ST8SIA6: variants seen among roughly 807,000 people sequenced by gnomAD.
The protein encoded by ST8SIA6 is ST8 alpha-N-acetyl-neuraminide alpha-2,8-sialyltransferase 6, also known as alpha-2,8-sialyltransferase 8F.
ST8SIA6 carries 39 observed loss-of-function variants against 33.6 expected under a neutral mutation model. The ratio of observed to expected loss-of-function variants is 1.16; its 90% CI spans 0.90 to 1.52. The LOEUF is 1.52. ST8SIA6 is among the 40% of genes most tolerant of loss of function. The pLI is 0.00. For missense variants in ST8SIA6, 441 were observed against 443.8 expected (o/e 0.99, Z 0.06); for synonymous variants, 172 against 167.2 (o/e 1.03, Z -0.22).
intron 4 of ST8SIA6, among the ~76,000 whole-genome samples, chr10:17,355,404 T>G (rs566106508): frequency 6.6e-6 from 1 of 152,356 alleles, no homozygotes; most frequent in East Asian, 1.9e-4. Flanking sequence ...AACCAAGTCC[T>G]ACCAAGTCTT....
At position 17,331,414 on chromosome 10, in the gene ST8SIA6, A is replaced by T; in HGVS notation, c.516T>A (p.Phe172Leu). 1.2e-6 allele frequency: 2 copies of T among 1,612,620 alleles called. No homozygotes were observed. Among genetic ancestry groups the T allele is most frequent in the Non-Finnish European group, 1.7e-6 (2 of 1,179,552 alleles). The change falls in exon 5 of 8, where the codon TTT (phenylalanine) becomes TTA (leucine). Residue 172 changes from phenylalanine (F) to leucine (L), a missense_variant. By Grantham distance (22) the Phe-to-Leu change is conservative. Transcript: ENST00000377602. The part of the protein sequence containing the change: ...IPIKKNIFHM[F>L]PVSQPFVDYP... ...ACCAGAAACCTTTACTCACCACTGG[A>T]AACATATGAAAAATGTTCTTCTTAA... is the stretch of plus-strand genomic sequence containing the variant.
At chr10:17,386,218 G>A (rs908030515) in intron 3 of ST8SIA6, among the ~76,000 whole-genome samples, 5 of 151,714 alleles carry the variant, frequency 3.3e-5, no homozygotes, top group African/African-American at 1.2e-4. Context: ...CAGGCCGGGC[G>A]CGGTGGCTCG....
intron 4 of ST8SIA6, among the ~76,000 whole-genome samples, chr10:17,331,789 T>C (rs189789360): frequency 1.3e-5 from 2 of 152,362 alleles, no homozygotes; most frequent in Admixed American, 1.3e-4. Flanking sequence ...TTTTGATTTC[T>C]TTTTTAATTT....
intron 2 of ST8SIA6, among the ~76,000 whole-genome samples, chr10:17,420,231 G>T (rs7089755): frequency 0.14 from 20,872 of 152,054 alleles, 1,495 homozygotes; most frequent in African/African-American, 0.18. Context: ...GGCTACACGG[G>T]GAAACCCCGT....
At chr10:17,371,783 T>TAAAAAAA (rs747851635) in intron 3 of ST8SIA6, among the ~76,000 whole-genome samples, 3 of 98,542 alleles carry the variant, frequency 3.0e-5, no homozygotes, top group East Asian at 3.1e-4. Flanking sequence ...AAGACTCCAT[T>TAAAAAAA]AAAAAAAAAA....
intron 4 of ST8SIA6, among the ~76,000 whole-genome samples, chr10:17,332,055 G>C (rs1298333172): frequency 1.3e-5 from 2 of 152,132 alleles, no homozygotes; most frequent in African/African-American, 4.8e-5. Flanking sequence ...TTGGTTTTCT[G>C]TTCCTGTGTC....
At chr10:17,333,698 TATATATATATA>T (rs1295997955) in intron 4 of ST8SIA6, among the ~76,000 whole-genome samples, 23 of 25,706 alleles carry the variant, frequency 8.9e-4, no homozygotes, top group African/African-American at 4.0e-3. Context: ...TATATATATA[TATATATATATA>T]TATATATATT....
chr10:17,386,217 C>A (rs1269975118), intron 3 of ST8SIA6, among the ~76,000 whole-genome samples: 1 of 151,524 alleles, frequency 6.6e-6, no homozygotes, highest in African/African-American at 2.4e-5. Flanking sequence ...ACAGGCCGGG[C>A]GCGGTGGCTC....
intron 3 of ST8SIA6, among the ~76,000 whole-genome samples, chr10:17,372,379 C>T (rs545062323): frequency 6.6e-6 from 1 of 152,200 alleles, no homozygotes; most frequent in Admixed American, 6.5e-5. Flanking sequence ...AAATTTCTGA[C>T]TTAAAATTCT....
At chr10:17,413,295 A>G (rs1374338718) in intron 2 of ST8SIA6, 1 of 137,804 alleles carries the variant, frequency 7.3e-6, no homozygotes, top group African/African-American at 2.7e-5. Context: ...TTAACTTTCT[A>G]TTTCTTTCCC....
At chr10:17,424,458 A>G (rs181193417) in intron 2 of ST8SIA6, among the ~76,000 whole-genome samples, 1 of 152,074 alleles carries the variant, frequency 6.6e-6, no homozygotes, top group African/African-American at 2.4e-5. Context: ...CCATATTTCA[A>G]TCCTGCCTGT....
Position 17,319,156 on chromosome 10 carries a change from A to T in ST8SIA6, c.*1722T>A, listed in dbSNP as rs1847862491. On this transcript the variant is annotated 3_prime_UTR_variant, in exon 8 of 8. Coordinates refer to ENST00000377602, the MANE Select transcript of ST8SIA6 (RefSeq NM_001004470.3). The stretch of plus-strand genomic sequence containing the variant: ...GTCACAATGAATGTGTCTAAATATG[A>T]CAGATTATGGATATCGATAATACAC... 6.6e-6 allele frequency among the ~76,000 whole-genome samples: 1 copy of T among 152,246 alleles called. No individual in the cohort carries two copies. Among genetic ancestry groups the T allele is most frequent in the Non-Finnish European group, 1.5e-5 (1 of 68,048 alleles).
At chr10:17,392,492 C>G (rs1040413400) in intron 2 of ST8SIA6, among the ~76,000 whole-genome samples, 2 of 152,122 alleles carry the variant, frequency 1.3e-5, no homozygotes, top group Non-Finnish European at 2.9e-5. Flanking sequence ...GGCCACTGCA[C>G]TCCAGCCTGG....
chr10:17,390,983 C>T (rs541645154), intron 2 of ST8SIA6, among the ~76,000 whole-genome samples: 12 of 151,790 alleles, frequency 7.9e-5, no homozygotes, highest in Non-Finnish European at 1.3e-4. Flanking sequence ...CTCAGCCTCC[C>T]GAGTAGCTAG....
chr10:17,408,652 T>G (rs983706652), intron 2 of ST8SIA6, among the ~76,000 whole-genome samples: 1 of 151,778 alleles, frequency 6.6e-6, no homozygotes, highest in Non-Finnish European at 1.5e-5. Flanking sequence ...AGAGCGAGAT[T>G]GTCTCAAAAA....
intron 2 of ST8SIA6, among the ~76,000 whole-genome samples, chr10:17,405,902 A>G (rs1851240644): frequency 6.6e-6 from 1 of 151,270 alleles, no homozygotes; most frequent in African/African-American, 2.4e-5. Flanking sequence ...AAAAAAAAAA[A>G]GAAGAAAGTT....
At chr10:17,417,971 G>T (rs890056905) in intron 2 of ST8SIA6, among the ~76,000 whole-genome samples, 2 of 152,234 alleles carry the variant, frequency 1.3e-5, no homozygotes, top group Non-Finnish European at 2.9e-5. Flanking sequence ...TAGTCCAGGT[G>T]TAAGTGAGAA....
intron 2 of ST8SIA6, among the ~76,000 whole-genome samples, chr10:17,445,326 C>T (rs1852667011): frequency 6.6e-6 from 1 of 152,172 alleles, no homozygotes; most frequent in Admixed American, 6.5e-5. Context: ...CAAGTCTACA[C>T]AAAATGACAA....
chr10:17,356,385 T>C (rs1849190233), intron 4 of ST8SIA6, among the ~76,000 whole-genome samples: 1 of 148,542 alleles, frequency 6.7e-6, no homozygotes, highest in South Asian at 2.2e-4. Flanking sequence ...GCCCCAGAGG[T>C]TTACTTTTTT....
Sources: gnomAD v4.1 joint callset for allele counts (sites outside exome capture counted in the v4.1 genomes callset) on GRCh38, gnomAD v4.1.1 for gene constraint, MANE v1.5 for transcripts, NCBI Gene and HGNC (gene_info 2026-07-23, HGNC 2026-07-21) for gene names.